ZNF624: variants seen among roughly 807,000 people sequenced by gnomAD.
The protein encoded by ZNF624 is zinc finger protein 624.
Under a neutral mutation model 74.7 loss-of-function variants are expected in ZNF624, and 43 were observed. The ratio of observed to expected loss-of-function variants is 0.58; its 90% confidence interval spans 0.45 to 0.74. ZNF624 has a LOEUF of 0.74. ZNF624 is among the 30% of genes least tolerant of loss of function. ZNF624 has a pLI of 0.00. For synonymous variants in ZNF624, 331 were observed against 341.3 expected, an observed-to-expected ratio of 0.97 and a Z score of 0.33; for missense variants, 820 against 1,030.0, an observed-to-expected ratio of 0.80 and a Z score of 2.79.
At position 16,623,848 on chromosome 17, in the gene ZNF624, T is replaced by C. The variant is rs778664921; in HGVS notation, c.1038A>G (p.Ser346=). Reference sequence around the variant, plus strand: ...TGTGAATTCTCTGATGTACCATAAGTGATGAAGAAGCAATGAAGGCCTTTC... The same window carrying C: ...TGTGAATTCTCTGATGTACCATAAGCGATGAAGAAGCAATGAAGGCCTTTC... ...ECGKAFIASS[S]LMVHQRIHTK... is the part of the protein sequence containing the mutation. Residue 346 remains serine (S), a synonymous_variant, in exon 6 of 6, where the codon TCA becomes TCG. Transcript: ENST00000311331. The surrounding 1 kb of genome is among the most constrained non-coding windows in gnomAD (Gnocchi z 5.3). 6 of 1,613,814 alleles carry C rather than the reference T, an allele frequency of 3.7e-6. No homozygotes were observed. Among genetic ancestry groups the C allele is most frequent in the Non-Finnish European group, 5.1e-6 (6 of 1,179,944 alleles).
At position 16,623,234 on chromosome 17, in the gene ZNF624, G is replaced by A; in HGVS notation, c.1652C>T (p.Thr551Ile). The A allele has an allele frequency of 6.2e-7, 1 of 1,613,940 alleles. No individual in the cohort carries two copies. Among genetic ancestry groups the A allele is most frequent in the Non-Finnish European group, 8.5e-7 (1 of 1,179,934 alleles). ...SCLTVHHRMH[T>I]GEKPYKCTEC... ...AGTACATTTATAAGGTTTCTCTCCT[G>A]TATGCATTCTGTGGTGTACAGTAAG... Residue 551 changes from threonine (T) to isoleucine (I), a missense_variant, in exon 6 of 6, where the codon ACA (threonine) becomes ATA (isoleucine). Thr to Ile is a moderately conservative substitution (Grantham distance 89). Coordinates refer to ENST00000311331, the MANE Select transcript of ZNF624 (RefSeq NM_020787.4). This position sits in a 1 kb window ranked among gnomAD's most constrained non-coding sequence, Gnocchi z 5.3.
chr17:16,636,728 A>T (rs111392802), intron 3 of ZNF624, among the ~76,000 whole-genome samples: 1 of 151,706 alleles, frequency 6.6e-6, no homozygotes, highest in African/African-American at 2.4e-5. Flanking sequence ...CCCAGCTACT[A>T]GGGAGGCTGA....
rs1908961359 is a variant in ZNF624 at position 16,622,964 on chromosome 17, T to A, written c.1922A>T (p.Lys641Ile). The A allele has an allele frequency of 6.2e-7, 1 of 1,613,916 alleles. No homozygotes were observed. Among genetic ancestry groups the A allele is most frequent in the Non-Finnish European group, 8.5e-7 (1 of 1,179,962 alleles). The change falls in exon 6 of 6, where the codon AAA becomes ATA. Residue 641 changes from lysine (K) to isoleucine (I), a missense_variant. Coordinates refer to ENST00000311331, the MANE Select transcript of ZNF624 (RefSeq NM_020787.4). ...QKIHTGVKPY[K>I]CYDCGKSFRT... is the part of the protein sequence containing the mutation. ...AAAGGACTTTCCACAGTCATAACATTTATAGGGTTTCACTCCAGTATGAAT... is the reference window on the plus strand; with the variant it reads ...AAAGGACTTTCCACAGTCATAACATATATAGGGTTTCACTCCAGTATGAAT...
chr17:16,646,407 C>A (rs1909593697), intron 3 of ZNF624, among the ~76,000 whole-genome samples: 2 of 152,138 alleles, frequency 1.3e-5, no homozygotes, highest in Non-Finnish European at 2.9e-5. Context: ...TTACAAAAAA[C>A]ATCTCTGGAA....
At chr17:16,619,953 TTAAC>T (rs1908868147), downstream of ZNF624, among the ~76,000 whole-genome samples, 1 of 152,358 alleles carries the variant, frequency 6.6e-6, no homozygotes, top group South Asian at 2.1e-4. Context: ...AAGTGGCACA[TTAAC>T]TATCCTCAAT....
chr17:16,624,779 G>A (rs955345128), intron 5 of ZNF624: 34 of 245,294 alleles, frequency 1.4e-4, no homozygotes, highest in Non-Finnish European at 2.4e-4. Context: ...CACTTTGGGA[G>A]GCCAAGGTGA....
chr17:16,630,356 A>T (rs1909176610), intron 5 of ZNF624, among the ~76,000 whole-genome samples: 1 of 152,136 alleles, frequency 6.6e-6, no homozygotes, highest in Non-Finnish European at 1.5e-5. Flanking sequence ...CAAGAGATCC[A>T]GACCAACCTA....
downstream of ZNF624, among the ~76,000 whole-genome samples, chr17:16,618,912 G>A (rs558874326): frequency 1.1e-4 from 16 of 152,290 alleles, 1 homozygote; most frequent in South Asian, 3.3e-3. Context: ...TAGTAGTTAA[G>A]TTTTTGAGGT....
chr17:16,616,926 T>A, downstream of ZNF624: 1 of 1,542,650 alleles, frequency 6.5e-7, no homozygotes, highest in Non-Finnish European at 8.9e-7. Context: ...TAGCTCTTTT[T>A]GGTGGAGGGG....
rs555337224 is a variant in ZNF624, at chr17:16,650,744, A to C, written c.-2-998T>G. The stretch of plus-strand genomic sequence containing the variant: ...TCTTTATTCATGAGGGCAGTGACAT[A>C]ATAAGTATTAAGTTTTTGTACAAAA... On this transcript the variant is annotated intron_variant, in intron 1 of 5. Coordinates refer to ENST00000311331, the MANE Select transcript of ZNF624 (RefSeq NM_020787.4). Among the ~76,000 whole-genome samples, 138 of 152,238 alleles carry C rather than the reference A, an allele frequency of 9.1e-4. 1 individual carries two copies. The highest frequency in any genetic ancestry group is 3.2e-3 in the African/African-American group (134 of 41,542).
chr17:16,634,032 T>A, intron 4 of ZNF624, 75 bp from the exon 5 acceptor site: 2 of 1,204,926 alleles, frequency 1.7e-6, no homozygotes, highest in Non-Finnish European at 2.4e-6. Flanking sequence ...TCTCAGTTCT[T>A]AATCTTCTGG....
At chr17:16,626,997 G>A (rs1297683561) in intron 5 of ZNF624, among the ~76,000 whole-genome samples, 1 of 152,118 alleles carries the variant, frequency 6.6e-6, no homozygotes, top group Non-Finnish European at 1.5e-5. Flanking sequence ...GGAGGTTGCA[G>A]TGAGCCGAGA....
chr17:16,650,106 C>T (rs1227240266), intron 1 of ZNF624, among the ~76,000 whole-genome samples: 1 of 152,130 alleles, frequency 6.6e-6, no homozygotes, highest in Admixed American at 6.5e-5. Flanking sequence ...AATCTAATTC[C>T]AAAGCCCATA....
chr17:16,641,662 C>A (rs1034226836), intron 3 of ZNF624, among the ~76,000 whole-genome samples: 8 of 152,148 alleles, frequency 5.3e-5, no homozygotes, highest in Admixed American at 3.3e-4. Flanking sequence ...TACAAGGTAC[C>A]CAGACAGGAA....
At chr17:16,620,081 G>A (rs1255095548), downstream of ZNF624, among the ~76,000 whole-genome samples, 1 of 152,202 alleles carries the variant, frequency 6.6e-6, no homozygotes, top group African/African-American at 2.4e-5. Context: ...ATTCACATCA[G>A]TGTCTTTCCC....
intron 1 of ZNF624, among the ~76,000 whole-genome samples, chr17:16,652,184 C>T (rs1187873604): frequency 6.6e-6 from 1 of 152,066 alleles, no homozygotes; most frequent in African/African-American, 2.4e-5. Flanking sequence ...AGAATCTGAC[C>T]TTGTCCACAA....
Position 16,622,978 on chromosome 17 carries a change from T to G in ZNF624, c.1908A>C (p.Gly636=). 6.2e-7 allele frequency: 1 copy of G among 1,614,032 alleles called. No individual in the cohort carries two copies. Among genetic ancestry groups the G allele is most frequent in the Non-Finnish European group, 8.5e-7 (1 of 1,179,946 alleles). ...AGTCATAACATTTATAGGGTTTCACTCCAGTATGAATTTTCTGATGCTCCT... is the reference window on the plus strand; with the variant it reads ...AGTCATAACATTTATAGGGTTTCACGCCAGTATGAATTTTCTGATGCTCCT... The part of the protein sequence containing the change: ...NLKEHQKIHT[G]VKPYKCYDCG... The change falls in exon 6 of 6, where the codon GGA becomes GGC. Residue 636 remains glycine (G), a synonymous_variant. Transcript: ENST00000311331.
At chr17:16,617,153 TAGATTTCCTGCCTTTTGATCG>T, downstream of ZNF624, 1 of 1,613,074 alleles carries the variant, frequency 6.2e-7, no homozygotes, top group Non-Finnish European at 8.5e-7. Flanking sequence ...CTCTTTGATC[TAGATTTCCTGCCTTTTGATCG>T]AGAACGTGAT....
chr17:16,634,532 A>G, intron 4 of ZNF624, 98 bp downstream of exon 4: 1 of 1,351,052 alleles, frequency 7.4e-7, no homozygotes, highest in Non-Finnish European at 1.0e-6. Context: ...GTGCCCCTAA[A>G]ATCAAGTACT....
Sources: allele counts gnomAD v4.1 joint callset (sites outside exome capture counted in the v4.1 genomes callset), GRCh38; gene constraint gnomAD v4.1.1; non-coding constraint Gnocchi (gnomAD v3.1); transcripts MANE v1.5; gene names NCBI Gene and HGNC (gene_info 2026-07-23, HGNC 2026-07-21).